PRKG1: variants seen among roughly 807,000 people sequenced by gnomAD.
The protein encoded by PRKG1 is cGMP-dependent protein kinase 1.
Under a neutral mutation model 88.1 loss-of-function variants are expected in PRKG1, and 35 were observed. The observed-to-expected ratio is 0.40, with a 90% CI of 0.30 to 0.53. The LOEUF is 0.53. Among genes scored for constraint, PRKG1 ranks in the 20% least tolerant of loss-of-function variants. The pLI is 0.59. For synonymous variants in PRKG1, 303 were observed against 292.5 expected (o/e 1.04, Z -0.37); for missense variants, 540 against 839.8 (o/e 0.64, Z 4.41).
rs146385659 is a variant in PRKG1 at position 51,530,983 on chromosome 10, G to A, written c.592+63147G>A. 8.1e-4 allele frequency among the ~76,000 whole-genome samples: 123 copies of A among 152,228 alleles called. No individual in the cohort carries two copies. In the East Asian group the frequency reaches 0.015, roughly 18 times the overall value. On this transcript the variant is annotated intron_variant, in intron 3 of 17. Coordinates refer to ENST00000373980, the MANE Select transcript of PRKG1 (RefSeq NM_006258.4). The stretch of plus-strand genomic sequence containing the variant: ...ATTTTCTGTCCTGCCAGATCTCTCC[G>A]TTGAGTCAGTGAGCACAGGGCCAAT...
chr10:51,653,191 T>C (rs1054896739), intron 3 of PRKG1, among the ~76,000 whole-genome samples: 2 of 152,198 alleles, frequency 1.3e-5, no homozygotes, highest in African/African-American at 4.8e-5. Flanking sequence ...ATATGTTTTC[T>C]ACATACTGAT....
intron 2 of PRKG1, among the ~76,000 whole-genome samples, chr10:51,156,667 C>T (rs1846223875): frequency 6.6e-6 from 1 of 151,960 alleles, no homozygotes; most frequent in Non-Finnish European, 1.5e-5. Flanking sequence ...TAATTCTAGC[C>T]AGCTCAGTGT....
chr10:52,273,273 TG>T (rs932919457), intron 12 of PRKG1, among the ~76,000 whole-genome samples: 64 of 152,214 alleles, frequency 4.2e-4, no homozygotes, highest in African/African-American at 1.5e-3. Flanking sequence ...TATTTTCCTA[TG>T]AATAATCTTT....
chr10:51,562,766 C>T (rs1392501754), intron 3 of PRKG1, among the ~76,000 whole-genome samples: 1 of 151,736 alleles, frequency 6.6e-6, no homozygotes, highest in Non-Finnish European at 1.5e-5. Context: ...AAGCATCATA[C>T]TTTATTTATT....
chr10:51,068,673 T>C (rs1018372294), intron 1 of PRKG1: 2 of 151,996 alleles, frequency 1.3e-5, no homozygotes, highest in African/African-American at 4.8e-5. Flanking sequence ...ATATCAAATC[T>C]GTTTTCAGAA....
chr10:52,274,271 C>T (rs192366382), intron 12 of PRKG1, among the ~76,000 whole-genome samples: 139 of 148,116 alleles, frequency 9.4e-4, no homozygotes, highest in African/African-American at 3.2e-3. Context: ...TATCCCTCAC[C>T]CCCCTCCGAC....
chr10:51,277,448 CT>C (rs1245788108), intron 2 of PRKG1, among the ~76,000 whole-genome samples: 1 of 151,838 alleles, frequency 6.6e-6, no homozygotes, highest in Non-Finnish European at 1.5e-5. Flanking sequence ...AATGTGGGCT[CT>C]TTTTTGGTTC....
chr10:51,917,716 G>C (rs930201716), intron 5 of PRKG1, among the ~76,000 whole-genome samples: 29 of 152,266 alleles, frequency 1.9e-4, no homozygotes, highest in African/African-American at 6.7e-4. Flanking sequence ...TGATTTAGTG[G>C]TTGAACAATA....
intron 14 of PRKG1, among the ~76,000 whole-genome samples, chr10:52,284,254 C>A (rs1039370909): frequency 2.6e-5 from 4 of 151,792 alleles, no homozygotes; most frequent in Admixed American, 2.6e-4. Context: ...AATAGCAGAG[C>A]AGCAATAAAA....
At chr10:51,542,805 T>G (rs1011998478) in intron 3 of PRKG1, among the ~76,000 whole-genome samples, 1 of 152,162 alleles carries the variant, frequency 6.6e-6, no homozygotes, top group Admixed American at 6.6e-5. Flanking sequence ...GGCCTTCTCT[T>G]TCTGTGTGGC....
chr10:52,040,472 T>C (rs970113817), intron 5 of PRKG1, among the ~76,000 whole-genome samples: 13 of 152,226 alleles, frequency 8.5e-5, no homozygotes, highest in African/African-American at 2.4e-4. Flanking sequence ...GCTGGTCTAC[T>C]CTATAAACAG....
chr10:51,974,055 A>G (rs935494017), intron 5 of PRKG1, among the ~76,000 whole-genome samples: 1 of 152,150 alleles, frequency 6.6e-6, no homozygotes, highest in Non-Finnish European at 1.5e-5. Flanking sequence ...TCATCTTACA[A>G]TGACATAAAT....
chr10:51,408,722 C>T (rs1837993614), intron 2 of PRKG1, among the ~76,000 whole-genome samples: 1 of 152,234 alleles, frequency 6.6e-6, no homozygotes, highest in Non-Finnish European at 1.5e-5. Flanking sequence ...TGTGTAACCT[C>T]CATCCCCGCC....
At chr10:52,214,395 C>T (rs1352436525) in intron 9 of PRKG1, among the ~76,000 whole-genome samples, 1 of 152,138 alleles carries the variant, frequency 6.6e-6, no homozygotes, top group Non-Finnish European at 1.5e-5. Flanking sequence ...TTTAGATGCA[C>T]AAACTTTGAT....
At chr10:51,168,585 G>A (rs551509359) in intron 2 of PRKG1, among the ~76,000 whole-genome samples, 1 of 152,098 alleles carries the variant, frequency 6.6e-6, no homozygotes, top group African/African-American at 2.4e-5. Context: ...GAAGTCTGGA[G>A]ACTAAGTTTG....
chr10:51,989,561 T>C (rs1844249576), intron 5 of PRKG1, among the ~76,000 whole-genome samples: 1 of 151,118 alleles, frequency 6.6e-6, no homozygotes, highest in Non-Finnish European at 1.5e-5. Context: ...CATAATAGCT[T>C]TGGCTATCAA....
chr10:51,108,740 T>G (rs1317163463), intron 1 of PRKG1, among the ~76,000 whole-genome samples: 1 of 152,164 alleles, frequency 6.6e-6, no homozygotes. Flanking sequence ...TCTTTCCACT[T>G]CAGTTCAACA....
intron 5 of PRKG1, among the ~76,000 whole-genome samples, chr10:51,949,759 C>A (rs75194405): frequency 6.6e-6 from 1 of 152,154 alleles, no homozygotes; most frequent in African/African-American, 2.4e-5. Context: ...GACTTACCTG[C>A]AGACATAAAT....
At chr10:51,002,385 CTG>C (rs1842898903) in intron 1 of PRKG1, among the ~76,000 whole-genome samples, 1 of 152,080 alleles carries the variant, frequency 6.6e-6, no homozygotes, top group African/African-American at 2.4e-5. Flanking sequence ...CTATTGTAAT[CTG>C]AGATTCCCAT....
Sources: gnomAD v4.1 joint callset for allele counts (sites outside exome capture counted in the v4.1 genomes callset) on GRCh38, gnomAD v4.1.1 for gene constraint, MANE v1.5 for transcripts, NCBI Gene and HGNC (gene_info 2026-07-23, HGNC 2026-07-21) for gene names.